The following ERBIN variants were observed in gnomAD, a reference collection of about 807,000 sequenced individuals.
ERBIN encodes the protein erbb2 interacting protein, also known as densin-180-like protein.
Under a neutral mutation model 158.4 loss-of-function variants are expected in ERBIN, and 60 were observed. The ratio of observed to expected loss-of-function variants is 0.38; its 90% CI spans 0.31 to 0.47. The LOEUF (loss-of-function observed/expected upper bound fraction) is 0.47, where lower values mean the gene tolerates loss of function less well. Among genes scored for constraint, ERBIN ranks in the 20% least tolerant of loss-of-function variants. ERBIN has a pLI of 0.99. For missense variants in ERBIN, 1,610 were observed against 1,648.0 expected, an observed-to-expected ratio of 0.98 and a Z score of 0.40; for synonymous variants, 594 against 557.2, an observed-to-expected ratio of 1.07 and a Z score of -0.93.
At chr5:65,946,074 A>G (rs372183091) in intron 1 of ERBIN, among the ~76,000 whole-genome samples, 3 of 152,036 alleles carry the variant, frequency 2.0e-5, no homozygotes, top group East Asian at 3.8e-4. Flanking sequence ...TGTTATATAA[A>G]TGGAATCAGG....
intron 13 of ERBIN, 119 bp from the exon 14 acceptor site, chr5:66,028,155 T>TC (rs1756476284): frequency 1.7e-6 from 1 of 571,732 alleles, no homozygotes; most frequent in African/African-American, 1.9e-5. Context: ...GATTTTTTTT[T>TC]CTCCTATTTT....
chr5:66,072,233 A>C lies in ERBIN; in HGVS notation c.3698A>C (p.Gln1233Pro). 4 of 1,550,522 alleles carry C rather than the reference A, an allele frequency of 2.6e-6. No individual in the cohort carries two copies. Among genetic ancestry groups the C allele is most frequent in the Non-Finnish European group, 2.6e-6 (3 of 1,146,936 alleles). Reference sequence around the variant, plus strand: ...GATGGTATATTCATTTCAGGACAGCAGAACTACTCATCAGCCACACTTAGT... The same window carrying C: ...GATGGTATATTCATTTCAGGACAGCCGAACTACTCATCAGCCACACTTAGT... ...CQDGIFISGQQNYSSATLSHK... is the reference protein window; with the variant it reads ...CQDGIFISGQPNYSSATLSHK... Residue 1233 changes from glutamine (Q) to proline (P), a missense_variant, in exon 22 of 26, where the codon CAG becomes CCG. Gln to Pro is a moderately conservative substitution (Grantham distance 76). Around this residue, in one of 2 missense-constraint regions of ERBIN, gnomAD observed 1,014 missense variants for 936.1 expected, o/e 1.08. Transcript: ENST00000284037.
intron 1 of ERBIN, among the ~76,000 whole-genome samples, chr5:65,982,334 G>A (rs1325690078): frequency 7.2e-5 from 11 of 152,088 alleles, no homozygotes; most frequent in Admixed American, 5.2e-4. Context: ...AGGGGAAGGT[G>A]GACTCTCTGA....
chr5:66,068,865 CT>C (rs1761269656), intron 21 of ERBIN: 8 of 647,008 alleles, frequency 1.2e-5, no homozygotes, highest in Non-Finnish European at 2.0e-5. Context: ...AATCTATCCC[CT>C]CTTTATTCAG....
At chr5:66,026,086 C>A in intron 12 of ERBIN, 109 bp downstream of exon 12, 2 of 1,009,914 alleles carry the variant, frequency 2.0e-6, no homozygotes, top group Non-Finnish European at 2.8e-6. Context: ...AAATAGTTTT[C>A]AAGTTATTTA....
At chr5:66,076,820 A>T (rs1427087459) in intron 24 of ERBIN, 55 bp from the exon 25 acceptor site, 2 of 1,314,106 alleles carry the variant, frequency 1.5e-6, no homozygotes, top group African/African-American at 3.0e-5. Flanking sequence ...GCTCCTTGGT[A>T]CTCTGTTATT....
intron 1 of ERBIN, among the ~76,000 whole-genome samples, chr5:65,959,584 T>C (rs1378742376): frequency 2.0e-5 from 3 of 152,168 alleles, no homozygotes; most frequent in Non-Finnish European, 4.4e-5. Context: ...ACTTCATAGT[T>C]CTCAAATACA....
Position 66,075,184 on chromosome 5 carries a change from A to T in ERBIN, c.3917A>T (p.Gln1306Leu). Residue 1306 changes from glutamine (Q) to leucine (L), a missense_variant, in exon 23 of 26, where the codon CAG becomes CTG. Gln to Leu is a moderately radical substitution (Grantham distance 113). This residue lies in a region of ERBIN where 1,014 missense variants were observed against 936.1 expected (regional missense o/e 1.08). Transcript: ENST00000284037. ...LKVAHQPPYT[Q>L]PHCSPRQGHE... ...GTGGCCCACCAGCCTCCATATACAC[A>T]GCCCCATTGTTCTCCTAGACAAGGC... 1.2e-6 allele frequency: 2 copies of T among 1,614,234 alleles called. No homozygotes were observed. Among genetic ancestry groups the T allele is most frequent in the Non-Finnish European group, 1.7e-6 (2 of 1,180,032 alleles).
At chr5:66,024,813 C>A (rs1408587073) in intron 10 of ERBIN, among the ~76,000 whole-genome samples, 8 of 152,064 alleles carry the variant, frequency 5.3e-5, no homozygotes, top group African/African-American at 1.9e-4. Flanking sequence ...TTGAACAGAT[C>A]ATGAGAGATC....
At chr5:65,953,940 C>T (rs1746798474) in intron 1 of ERBIN, among the ~76,000 whole-genome samples, 3 of 151,796 alleles carry the variant, frequency 2.0e-5, no homozygotes, top group Non-Finnish European at 2.9e-5. Flanking sequence ...CATTATAGAC[C>T]TGGATTCTTT....
Position 66,005,775 on chromosome 5 carries a change from T to A in ERBIN, c.308-6274T>A, listed in dbSNP as rs775776470. On this transcript the variant is annotated intron_variant, in intron 4 of 25. Coordinates refer to ENST00000284037, the MANE Select transcript of ERBIN (RefSeq NM_001253697.2). ...CAGTAACAGACAAACAGCCAAATCATGAGTGAACTCCCATTCACAATTGCT... is the reference window on the plus strand; with the variant it reads ...CAGTAACAGACAAACAGCCAAATCAAGAGTGAACTCCCATTCACAATTGCT... 3.7e-4 allele frequency among the ~76,000 whole-genome samples: 57 copies of A among 152,216 alleles called. 1 individual carries two copies. The highest frequency in any genetic ancestry group is 9.2e-4 in the Admixed American group (14 of 15,286).
chr5:66,012,906 G>A (rs1031551360), intron 5 of ERBIN, among the ~76,000 whole-genome samples: 4 of 152,104 alleles, frequency 2.6e-5, no homozygotes, highest in Admixed American at 6.6e-5. Flanking sequence ...TTATAAAATC[G>A]TATAATCTTA....
intron 16 of ERBIN, among the ~76,000 whole-genome samples, chr5:66,043,427 G>T (rs1758110932): frequency 1.3e-5 from 2 of 152,024 alleles, no homozygotes; most frequent in South Asian, 4.1e-4. Flanking sequence ...AAATATAAGA[G>T]GAAAACGTTA....
chr5:66,007,422 G>C (rs1436205165), intron 4 of ERBIN, among the ~76,000 whole-genome samples: 1 of 42,310 alleles, frequency 2.4e-5, no homozygotes, highest in African/African-American at 1.4e-4. Flanking sequence ...GATAGCGTTA[G>C]GAGATATACC....
At chr5:66,043,310 GTCCT>G in intron 16 of ERBIN, 112 bp downstream of exon 16, 4 of 1,077,236 alleles carry the variant, frequency 3.7e-6, no homozygotes, top group Non-Finnish European at 4.0e-6. Context: ...TTTATTCCTT[GTCCT>G]CAAGGCACTT....
At chr5:66,024,593 A>G in intron 10 of ERBIN, 143 bp downstream of exon 10, 3 of 723,214 alleles carry the variant, frequency 4.1e-6, no homozygotes, top group East Asian at 6.2e-5. Flanking sequence ...TGGTGTGATC[A>G]GTTGTACAGT....
At chr5:66,000,930 C>T (rs73766308) in intron 4 of ERBIN, among the ~76,000 whole-genome samples, 6,094 of 151,792 alleles carry the variant, frequency 0.04, 409 homozygotes, top group African/African-American at 0.14. Flanking sequence ...CCCATTTTAC[C>T]TTAAGAGAGC....
intron 10 of ERBIN, 102 bp downstream of exon 10, chr5:66,024,552 C>A: frequency 8.8e-7 from 1 of 1,134,230 alleles, no homozygotes; most frequent in Non-Finnish European, 1.2e-6. Flanking sequence ...TACTTCGTTA[C>A]CACAGGAACG....
At chr5:66,026,233 G>T in intron 12 of ERBIN, 69 bp from the exon 13 acceptor site, 2 of 946,714 alleles carry the variant, frequency 2.1e-6, no homozygotes, top group Non-Finnish European at 3.1e-6. Context: ...TTTCAAAAAT[G>T]ATGTTTTTTA....
Sources: gnomAD v4.1 joint callset for allele counts (sites outside exome capture counted in the v4.1 genomes callset) on GRCh38, gnomAD v4.1.1 for gene constraint, gnomAD v4.1.1 regional missense constraint, MANE v1.5 for transcripts, NCBI Gene and HGNC (gene_info 2026-07-23, HGNC 2026-07-21) for gene names.